The following ELAVL4 variants were observed in gnomAD, a reference collection of about 807,000 sequenced individuals.
ELAVL4 encodes ELAV like RNA binding protein 4, also known as ELAV-like protein 4.
ELAVL4 carries 1 observed loss-of-function variant against 35.6 expected under a neutral mutation model. The ratio of observed to expected loss-of-function variants is 0.03; its 90% confidence interval spans 0.01 to 0.13. The LOEUF (loss-of-function observed/expected upper bound fraction) is 0.13. ELAVL4 is among the 10% of genes least tolerant of loss of function. The pLI, the probability that ELAVL4 is intolerant of heterozygous loss-of-function variation, is 1.00. For synonymous variants in ELAVL4, 156 were observed against 171.0 expected (o/e 0.91, Z 0.69); for missense variants, 267 against 464.9 (o/e 0.57, Z 3.91).
chr1:50,143,800 C>G (rs545940302), intron 1 of ELAVL4, among the ~76,000 whole-genome samples: 1 of 151,966 alleles, frequency 6.6e-6, no homozygotes, highest in African/African-American at 2.4e-5. Flanking sequence ...GACTTTGCCC[C>G]CATTTTTCTA....
chr1:50,098,750 G>A (rs1665823645), intron 1 of ELAVL4, among the ~76,000 whole-genome samples: 1 of 152,140 alleles, frequency 6.6e-6, no homozygotes, highest in Non-Finnish European at 1.5e-5. Context: ...AACTAAAAAG[G>A]GTCAAGTGGA....
intron 6 of ELAVL4, among the ~76,000 whole-genome samples, chr1:50,198,853 T>A (rs1337903804): frequency 6.6e-6 from 1 of 152,164 alleles, no homozygotes; most frequent in African/African-American, 2.4e-5. Context: ...TTAGAACGCT[T>A]CCTACCAAAA....
intron 1 of ELAVL4, among the ~76,000 whole-genome samples, chr1:50,091,957 G>A (rs962727168): frequency 3.3e-5 from 5 of 152,090 alleles, no homozygotes; most frequent in Non-Finnish European, 7.3e-5. Context: ...CTTTCGCCTA[G>A]ACCACACAAG....
chr1:50,091,686 T>A (rs1223163641), intron 1 of ELAVL4, among the ~76,000 whole-genome samples: 1 of 152,192 alleles, frequency 6.6e-6, no homozygotes, highest in Non-Finnish European at 1.5e-5. Context: ...CCATTAAAAA[T>A]ATCTCCAAGT....
At chr1:50,081,884 G>A (rs1461103650) in intron 1 of ELAVL4, among the ~76,000 whole-genome samples, 2 of 151,902 alleles carry the variant, frequency 1.3e-5, no homozygotes, top group Non-Finnish European at 2.9e-5. Context: ...CTGTGTCCAT[G>A]TGTTCTCATT....
intron 1 of ELAVL4, among the ~76,000 whole-genome samples, chr1:50,079,419 CCCCTT>C (rs1557690757): frequency 6.6e-6 from 1 of 152,188 alleles, no homozygotes; most frequent in Non-Finnish European, 1.5e-5. Context: ...AAGGCCTCAG[CCCCTT>C]CCATGAGAAG....
At chr1:50,157,693 C>CTGTT (rs1330401476) in intron 2 of ELAVL4, among the ~76,000 whole-genome samples, 1 of 152,194 alleles carries the variant, frequency 6.6e-6, no homozygotes, top group Non-Finnish European at 1.5e-5. Context: ...AATTAGCAGG[C>CTGTT]TGTTTGTGAA....
intron 2 of ELAVL4, among the ~76,000 whole-genome samples, chr1:50,150,004 A>G (rs1243698971): frequency 2.6e-5 from 4 of 152,228 alleles, no homozygotes; most frequent in South Asian, 2.1e-4. Flanking sequence ...TGTTGGGGAA[A>G]GTTTAAAAGA....
chr1:50,106,782 A>G (rs758981211), upstream of ELAVL4, among the ~76,000 whole-genome samples: 10 of 152,186 alleles, frequency 6.6e-5, no homozygotes, highest in Non-Finnish European at 1.5e-4. Flanking sequence ...TGGAAAAGTG[A>G]TCAATATACA....
intron 1 of ELAVL4, among the ~76,000 whole-genome samples, chr1:50,126,988 A>C (rs1321779298): frequency 1.3e-5 from 2 of 152,106 alleles, no homozygotes; most frequent in South Asian, 2.1e-4. Context: ...CATTTGTTTT[A>C]ATCTTGATGG....
intron 2 of ELAVL4, among the ~76,000 whole-genome samples, chr1:50,149,973 G>T (rs183238669): frequency 3.7e-4 from 57 of 152,312 alleles, no homozygotes; most frequent in Admixed American, 1.6e-3. Flanking sequence ...TGGAAGAGGT[G>T]AGGTTGGTGT....
In ELAVL4 at chr1:50,164,354, C is replaced by G. The variant is rs150789736; in HGVS notation, c.251-12735C>G. On this transcript the variant is annotated intron_variant, in intron 2 of 6. Coordinates refer to ENST00000371824, the MANE Select transcript of ELAVL4 (RefSeq NM_001144774.3). ...GGCTCTCGCTACCTCACAAGGCAGC[C>G]CACCCCTTAAAAAAGCATTATTAGA... Among the ~76,000 whole-genome samples the G allele has an allele frequency of 3.2e-3, 492 of 152,158 alleles. 6 individuals are homozygous for G. Among genetic ancestry groups the G allele is most frequent in the African/African-American group, 0.011 (470 of 41,524 alleles).
intron 2 of ELAVL4, among the ~76,000 whole-genome samples, chr1:50,165,818 A>G (rs995480959): frequency 8.6e-5 from 13 of 150,912 alleles, no homozygotes; most frequent in African/African-American, 3.2e-4. Flanking sequence ...GTGTGTATAT[A>G]TATATGTGTG....
chr1:50,065,960 G>T (rs189416824), intron 1 of ELAVL4, among the ~76,000 whole-genome samples: 2 of 152,146 alleles, frequency 1.3e-5, no homozygotes, highest in African/African-American at 4.8e-5. Context: ...AAGAGAGAGC[G>T]AAAGTAAGGA....
At chr1:50,117,478 T>G (rs1668158640) in intron 1 of ELAVL4, among the ~76,000 whole-genome samples, 1 of 152,104 alleles carries the variant, frequency 6.6e-6, no homozygotes, top group African/African-American at 2.4e-5. Context: ...TGCAAAGGAC[T>G]TCAGAGTCAG....
intron 2 of ELAVL4, among the ~76,000 whole-genome samples, chr1:50,155,850 G>C (rs1296023116): frequency 6.6e-6 from 1 of 152,138 alleles, no homozygotes; most frequent in Non-Finnish European, 1.5e-5. Flanking sequence ...GGTCCTAACT[G>C]TGGAAACTGG....
At chr1:50,072,018 T>C (rs886436326) in intron 1 of ELAVL4, among the ~76,000 whole-genome samples, 1 of 152,202 alleles carries the variant, frequency 6.6e-6, no homozygotes, top group Non-Finnish European at 1.5e-5. Context: ...TGGAAATGAT[T>C]TGAAGCACTT....
At chr1:50,112,809 C>A (rs1369589070) in intron 1 of ELAVL4, among the ~76,000 whole-genome samples, 1 of 152,062 alleles carries the variant, frequency 6.6e-6, no homozygotes, top group Non-Finnish European at 1.5e-5. Flanking sequence ...GATGGCCTTG[C>A]TTCTGTTTGA....
chr1:50,109,016 C>CGGGGGCGGGGG lies in ELAVL4; in HGVS notation c.-174_-173insGGGGGCGGGGG. The CGGGGGCGGGGG allele has an allele frequency of 1.1e-6, 1 of 905,794 alleles. No homozygotes were observed. The highest frequency in any genetic ancestry group is 1.3e-6 in the Non-Finnish European group (1 of 761,408). 56.1% of individuals were successfully genotyped at this position (905,794 alleles called of 1,614,324 possible). A position where few individuals can be genotyped will look rare whatever the true frequency, so the allele number is the denominator to read the frequency against. The stretch of plus-strand genomic sequence containing the variant: ...CTCCTTTTCTTTTTTTTCTTTCTCT[C>CGGGGGCGGGGG]CCCCGCCCACCCCCCCAAAAATAAT... On this transcript the variant is annotated 5_prime_UTR_variant, in exon 1 of 7. Transcript: ENST00000371824.
Sources: gnomAD v4.1 joint callset for allele counts (sites outside exome capture counted in the v4.1 genomes callset) on GRCh38, gnomAD v4.1.1 for gene constraint, MANE v1.5 for transcripts, NCBI Gene and HGNC (gene_info 2026-07-23, HGNC 2026-07-21) for gene names.